The following DOCK1 variants were observed in gnomAD, a reference collection of about 807,000 sequenced individuals.
The protein encoded by DOCK1 is dedicator of cytokinesis 1, also known as dedicator of cytokinesis protein 1.
Under a neutral mutation model 262.7 loss-of-function variants are expected in DOCK1, and 138 were observed. The ratio of observed to expected loss-of-function variants is 0.53; its 90% CI spans 0.46 to 0.61. The LOEUF is 0.61. Ranked by LOEUF, DOCK1 falls within the 20% of genes least tolerant of loss-of-function variation. The pLI is 0.00. For synonymous variants in DOCK1, 866 were observed against 867.4 expected, an observed-to-expected ratio of 1.00 and a Z score of 0.03; for missense variants, 1,908 against 2,370.7, an observed-to-expected ratio of 0.80 and a Z score of 4.05.
intron 1 of DOCK1, among the ~76,000 whole-genome samples, chr10:126,949,136 G>C (rs1302010185): frequency 6.6e-6 from 1 of 152,080 alleles, no homozygotes; most frequent in Non-Finnish European, 1.5e-5. Flanking sequence ...TGGCACTCTG[G>C]GTTCCCCTCT....
intron 44 of DOCK1, among the ~76,000 whole-genome samples, chr10:127,417,366 C>T (rs1158771292): frequency 2.0e-5 from 3 of 152,194 alleles, no homozygotes; most frequent in African/African-American, 4.8e-5. Flanking sequence ...GGCTGGGACT[C>T]GGCCAGGCCA....
At chr10:127,081,152 A>T (rs2046876571) in intron 23 of DOCK1, among the ~76,000 whole-genome samples, 1 of 152,126 alleles carries the variant, frequency 6.6e-6, no homozygotes, top group Admixed American at 6.6e-5. Flanking sequence ...TTATCAGCTG[A>T]TGTTCACCTT....
At chr10:127,251,244 G>T (rs2059628854) in intron 28 of DOCK1, among the ~76,000 whole-genome samples, 1 of 152,064 alleles carries the variant, frequency 6.6e-6, no homozygotes, top group Admixed American at 6.6e-5. Context: ...CTCCCAAAGT[G>T]CTGGGATTAC....
chr10:127,195,698 G>T (rs1223312828), intron 27 of DOCK1, among the ~76,000 whole-genome samples: 1 of 152,000 alleles, frequency 6.6e-6, no homozygotes, highest in Admixed American at 6.6e-5. Flanking sequence ...AACCCACATC[G>T]CAGAGGCGCA....
intron 10 of DOCK1, among the ~76,000 whole-genome samples, chr10:127,005,984 G>C (rs146493991): frequency 6.6e-6 from 1 of 152,016 alleles, no homozygotes. Flanking sequence ...TCAAAAATTC[G>C]GCTTCTCAAT....
chr10:127,366,926 CTT>C (rs930299695), intron 33 of DOCK1, among the ~76,000 whole-genome samples: 6 of 152,152 alleles, frequency 3.9e-5, no homozygotes, highest in African/African-American at 1.4e-4. Flanking sequence ...TTTTACAACA[CTT>C]TAGTGTTTTG....
At chr10:127,233,010 G>T (rs1022406550) in intron 27 of DOCK1, among the ~76,000 whole-genome samples, 1 of 152,170 alleles carries the variant, frequency 6.6e-6, no homozygotes, top group African/African-American at 2.4e-5. Context: ...CTGGTGATTA[G>T]AGTTTTTGGT....
intron 32 of DOCK1, among the ~76,000 whole-genome samples, 199 bp from the exon 33 acceptor site, chr10:127,361,865 A>C (rs1477866253): frequency 6.6e-6 from 1 of 152,166 alleles, no homozygotes; most frequent in African/African-American, 2.4e-5. Context: ...CACTTATAAC[A>C]TGTGGAATAC....
chr10:126,954,620 C>T lies in DOCK1; in HGVS notation c.47-16082C>T, dbSNP rs901545632. ...CCTCCTCCCAGCCCCTGGCAGCCGCCGTGCTATTTTCTGTCTCTATGCAAG... is the reference window on the plus strand; with the variant it reads ...CCTCCTCCCAGCCCCTGGCAGCCGCTGTGCTATTTTCTGTCTCTATGCAAG... On this transcript the variant is annotated intron_variant, in intron 1 of 51. Transcript: ENST00000623213. Among the ~76,000 whole-genome samples the T allele has an allele frequency of 5.6e-4, 85 of 152,270 alleles. 1 individual carries two copies. Among genetic ancestry groups the T allele is most frequent in the African/African-American group, 1.8e-3 (76 of 41,552 alleles).
At chr10:126,999,707 T>C (rs1050351344) in intron 9 of DOCK1, among the ~76,000 whole-genome samples, 3 of 152,318 alleles carry the variant, frequency 2.0e-5, no homozygotes, top group African/African-American at 7.2e-5. Flanking sequence ...GACGGAGTCT[T>C]GCTCTGTCAC....
intron 27 of DOCK1, among the ~76,000 whole-genome samples, chr10:127,172,112 G>GT (rs1424437308): frequency 6.6e-6 from 1 of 152,058 alleles, no homozygotes; most frequent in African/African-American, 2.4e-5. Context: ...TTGTTTGTTT[G>GT]TTTTTTTAAA....
intron 27 of DOCK1, among the ~76,000 whole-genome samples, chr10:127,143,562 T>C (rs1414163002): frequency 6.6e-6 from 1 of 152,218 alleles, no homozygotes; most frequent in African/African-American, 2.4e-5. Flanking sequence ...GGATGTGGGC[T>C]GGCTTTTATT....
At chr10:127,225,335 G>A (rs77292339) in intron 27 of DOCK1, among the ~76,000 whole-genome samples, 2,024 of 152,336 alleles carry the variant, frequency 0.013, 51 homozygotes, top group African/African-American at 0.047. Context: ...CACAGGAGGG[G>A]GTCTGCAGTA....
At chr10:127,088,006 T>A (rs1455803282) in intron 23 of DOCK1, among the ~76,000 whole-genome samples, 3 of 152,238 alleles carry the variant, frequency 2.0e-5, no homozygotes, top group Non-Finnish European at 4.4e-5. Flanking sequence ...CGTATTTAAT[T>A]GCTAAGTTTT....
chr10:126,992,740 AC>A (rs2039882208), intron 6 of DOCK1, among the ~76,000 whole-genome samples: 1 of 96,578 alleles, frequency 1.0e-5, no homozygotes, highest in Non-Finnish European at 2.3e-5. Flanking sequence ...CAACACAGAC[AC>A]ACACACACAC....
At chr10:126,921,229 A>C (rs1417906979) in intron 1 of DOCK1, among the ~76,000 whole-genome samples, 1 of 151,720 alleles carries the variant, frequency 6.6e-6, no homozygotes, top group Non-Finnish European at 1.5e-5. Context: ...AGTTCAAACA[A>C]GTAGTTATTT....
intron 2 of DOCK1, among the ~76,000 whole-genome samples, chr10:126,977,163 G>C (rs2038606275): frequency 6.6e-6 from 1 of 152,224 alleles, no homozygotes; most frequent in South Asian, 2.1e-4. Context: ...ACTGACGGTA[G>C]ACCCCTAGGC....
intron 31 of DOCK1, among the ~76,000 whole-genome samples, chr10:127,349,147 C>T (rs146903098): frequency 8.7e-4 from 132 of 152,138 alleles, no homozygotes; most frequent in Admixed American, 2.5e-3. Context: ...CTCACCCCAG[C>T]CATGAGCTCC....
At chr10:127,072,264 G>A (rs2046275958) in intron 23 of DOCK1, among the ~76,000 whole-genome samples, 1 of 152,152 alleles carries the variant, frequency 6.6e-6, no homozygotes, top group Admixed American at 6.5e-5. Flanking sequence ...TCAATCATAT[G>A]TTCATTCTCC....
Sources: allele counts gnomAD v4.1 joint callset (sites outside exome capture counted in the v4.1 genomes callset), GRCh38; gene constraint gnomAD v4.1.1; transcripts MANE v1.5; gene names NCBI Gene and HGNC (gene_info 2026-07-23, HGNC 2026-07-21).